The following TCF7L2 variants were observed in gnomAD, a reference collection of about 807,000 sequenced individuals.
TCF7L2 encodes the protein transcription factor 7-like 2.
A neutral mutation model predicts 77.9 loss-of-function variants in TCF7L2; 23 were observed. The ratio of observed to expected loss-of-function variants is 0.30; its 90% CI spans 0.21 to 0.42. TCF7L2 has a LOEUF of 0.42. Ranked by LOEUF, TCF7L2 falls within the 10% of genes least tolerant of loss-of-function variation. The pLI is 1.00. For missense variants in TCF7L2, 654 were observed against 793.1 expected, an observed-to-expected ratio of 0.82 and a Z score of 2.11; for synonymous variants, 413 against 340.2, an observed-to-expected ratio of 1.21 and a Z score of -2.36.
intron 4 of TCF7L2, among the ~76,000 whole-genome samples, chr10:112,981,808 T>TC (rs2040524722): frequency 6.6e-6 from 1 of 152,240 alleles, no homozygotes; most frequent in Non-Finnish European, 1.5e-5. Flanking sequence ...TTGGTCATGG[T>TC]TTGTGGTTTC....
At chr10:113,046,914 A>G (rs1368790175) in intron 5 of TCF7L2, among the ~76,000 whole-genome samples, 1 of 152,134 alleles carries the variant, frequency 6.6e-6, no homozygotes, top group Admixed American at 6.5e-5. Flanking sequence ...TTGAGCTCAT[A>G]GTGCTCAGTA....
chr10:113,029,343 A>T (rs2049790281), intron 4 of TCF7L2, among the ~76,000 whole-genome samples: 1 of 152,108 alleles, frequency 6.6e-6, no homozygotes, highest in African/African-American at 2.4e-5. Flanking sequence ...TGGAGTTCCC[A>T]TGCCTTTGTA....
At chr10:113,050,481 T>A (rs12265291) in intron 5 of TCF7L2, among the ~76,000 whole-genome samples, 1 of 151,912 alleles carries the variant, frequency 6.6e-6, no homozygotes, top group Non-Finnish European at 1.5e-5. Flanking sequence ...TGTTTCCCCC[T>A]AGCCCTTTCA....
chr10:113,049,110 A>G (rs1031642710), intron 5 of TCF7L2, among the ~76,000 whole-genome samples: 1 of 152,122 alleles, frequency 6.6e-6, no homozygotes, highest in Admixed American at 6.5e-5. Context: ...CCAGCAGGTT[A>G]GCTGAGCTGC....
intron 5 of TCF7L2, among the ~76,000 whole-genome samples, chr10:113,069,356 G>A (rs570597525): frequency 6.6e-6 from 1 of 151,944 alleles, no homozygotes; most frequent in East Asian, 1.9e-4. Flanking sequence ...AGCCTCCTGA[G>A]TAGCTGAGAT....
At position 113,062,842 on chromosome 10, in the gene TCF7L2, T is replaced by C. The variant is rs542963151; in HGVS notation, c.552+22716T>C. On this transcript the variant is annotated intron_variant, in intron 5 of 13. Coordinates refer to ENST00000627217, the MANE Select transcript of TCF7L2 (RefSeq NM_001146274.2). ...TTAATAAATGACTGGGGGTTTCATT[T>C]TGAGGCCTTTACTACCAAAGACTGA... Among the ~76,000 whole-genome samples, 121 of 152,282 alleles carry C rather than the reference T, an allele frequency of 7.9e-4. 3 individuals are homozygous for C. The South Asian group carries it at 0.025, about 31-fold the overall frequency.
chr10:112,977,928 G>C (rs1450134090), intron 4 of TCF7L2, among the ~76,000 whole-genome samples: 2 of 152,200 alleles, frequency 1.3e-5, no homozygotes. Flanking sequence ...AAGCAGAAAG[G>C]AGAGGAGTTG....
At chr10:113,019,505 C>T (rs1440018513) in intron 4 of TCF7L2, among the ~76,000 whole-genome samples, 1 of 152,194 alleles carries the variant, frequency 6.6e-6, no homozygotes, top group African/African-American at 2.4e-5. Context: ...CGTTGGGTTT[C>T]TGCAGCCAAA....
intron 4 of TCF7L2, among the ~76,000 whole-genome samples, chr10:112,967,757 T>C (rs544902131): frequency 2.0e-5 from 3 of 151,258 alleles, no homozygotes; most frequent in Admixed American, 6.6e-5. Flanking sequence ...TGCCTCAGCC[T>C]CCCGAGTAGC....
intron 4 of TCF7L2, among the ~76,000 whole-genome samples, chr10:112,972,133 T>C (rs1356378750): frequency 6.6e-6 from 1 of 152,176 alleles, no homozygotes; most frequent in Non-Finnish European, 1.5e-5. Flanking sequence ...AACCAATCAA[T>C]TGATCATTTA....
chr10:113,026,977 T>A (rs1334993906), intron 4 of TCF7L2, among the ~76,000 whole-genome samples: 1 of 152,226 alleles, frequency 6.6e-6, no homozygotes, highest in African/African-American at 2.4e-5. Context: ...CAAGTTCTTT[T>A]AAAGACTAAA....
Position 113,000,883 on chromosome 10 carries a change from C to T in TCF7L2, c.450+36259C>T, listed in dbSNP as rs1590225945. 2.6e-5 allele frequency among the ~76,000 whole-genome samples: 4 copies of T among 152,342 alleles called. No individual in the cohort carries two copies. The South Asian group carries it at 8.3e-4, about 32-fold the overall frequency. ...GATATGGTTGGGTCCTATTTCTTCT[C>T]CTCCAAACCCCGCTAGGGCCATTCC... On this transcript the variant is annotated intron_variant, in intron 4 of 13. Transcript: ENST00000627217.
At chr10:113,036,970 A>G (rs1253025068) in intron 4 of TCF7L2, among the ~76,000 whole-genome samples, 1 of 152,030 alleles carries the variant, frequency 6.6e-6, no homozygotes, top group Non-Finnish European at 1.5e-5. Flanking sequence ...TAAATCTGAG[A>G]TGCCCCCTCC....
chr10:113,082,045 C>G (rs1224865016), intron 5 of TCF7L2, among the ~76,000 whole-genome samples: 2 of 151,960 alleles, frequency 1.3e-5, no homozygotes, highest in African/African-American at 4.8e-5. Context: ...ACCATGTTGG[C>G]CAGGCTGGTC....
chr10:113,030,726 C>CA (rs1180439035), intron 4 of TCF7L2, among the ~76,000 whole-genome samples: 1 of 152,224 alleles, frequency 6.6e-6, no homozygotes, highest in Non-Finnish European at 1.5e-5. Flanking sequence ...CTCTGAGAGA[C>CA]ATGGGAGGGC....
chr10:113,037,175 G>A (rs1339492072), intron 4 of TCF7L2, among the ~76,000 whole-genome samples: 3 of 152,152 alleles, frequency 2.0e-5, no homozygotes, highest in African/African-American at 7.2e-5. Flanking sequence ...TTTTGGAGAA[G>A]GTTAATAGCT....
At chr10:113,048,112 G>T (rs765953383) in intron 5 of TCF7L2, among the ~76,000 whole-genome samples, 26 of 152,134 alleles carry the variant, frequency 1.7e-4, no homozygotes, top group Non-Finnish European at 3.4e-4. Flanking sequence ...TTCCCAGGAC[G>T]AGGGGCAAGA....
chr10:113,030,033 A>G (rs529938218), intron 4 of TCF7L2, among the ~76,000 whole-genome samples: 2 of 152,260 alleles, frequency 1.3e-5, no homozygotes, highest in East Asian at 1.9e-4. Flanking sequence ...TAATATTTTT[A>G]TCATCCCCAA....
chr10:113,161,703 A>G (rs2073187665), intron 13 of TCF7L2: 2 of 1,321,512 alleles, frequency 1.5e-6, no homozygotes, highest in Middle Eastern at 1.8e-4. Flanking sequence ...CCGTGTTTAG[A>G]CGTTAGATCA....
Sources: allele counts gnomAD v4.1 joint callset (sites outside exome capture counted in the v4.1 genomes callset), GRCh38; gene constraint gnomAD v4.1.1; transcripts MANE v1.5; gene names NCBI Gene and HGNC (gene_info 2026-07-23, HGNC 2026-07-21).